Variants in CIITA observed in about 807,000 individuals in gnomAD.
CIITA encodes class II major histocompatibility complex transactivator.
A neutral mutation model predicts 115.1 loss-of-function variants in CIITA; 72 were observed. The ratio of observed to expected loss-of-function variants is 0.63; its 90% CI spans 0.52 to 0.76. The LOEUF is 0.76. Ranked by LOEUF, CIITA falls within the 30% of genes least tolerant of loss-of-function variation. The probability of loss-of-function intolerance (pLI) is 0.00; values close to 1 mark genes in which losing one functional copy is unlikely to be tolerated. For missense variants in CIITA, 1,617 were observed against 1,463.8 expected, an observed-to-expected ratio of 1.10 and a Z score of -1.71; for synonymous variants, 763 against 635.6, an observed-to-expected ratio of 1.20 and a Z score of -3.02.
chr16:10,889,631 TG>T (rs1174515013), intron 1 of CIITA, among the ~76,000 whole-genome samples: 2 of 152,120 alleles, frequency 1.3e-5, no homozygotes, highest in African/African-American at 2.4e-5. Flanking sequence ...GCGATTCTCC[TG>T]CCTCAGCCTC....
downstream of CIITA, chr16:10,937,961 T>G (rs1256541286): frequency 2.0e-5 from 3 of 152,282 alleles, no homozygotes; most frequent in African/African-American, 4.8e-5. The surrounding 1 kb of genome is among the most constrained non-coding windows in gnomAD (Gnocchi z 4.2). Context: ...TGGACCTCCC[T>G]GGCACTCAGG....
At chr16:10,890,723 G>C (rs979928425) in intron 1 of CIITA, among the ~76,000 whole-genome samples, 1 of 152,190 alleles carries the variant, frequency 6.6e-6, no homozygotes, top group African/African-American at 2.4e-5. Context: ...ACAAACGTAA[G>C]AAGCAAACTA....
At chr16:10,902,605 C>T (rs904240303) in intron 7 of CIITA, 53 bp from the exon 8 acceptor site, 69 of 1,611,218 alleles carry the variant, frequency 4.3e-5, no homozygotes, top group African/African-American at 1.1e-4. Context: ...AAAGCAGAAT[C>T]GCAAACACAG....
intron 15 of CIITA, chr16:10,916,835 T>C: frequency 2.6e-6 from 1 of 380,276 alleles, no homozygotes; most frequent in East Asian, 4.4e-5. Flanking sequence ...TACCCAACCA[T>C]TTATTAATTT....
In CIITA at chr16:10,921,658, G is replaced by A. The variant is rs184205017; in HGVS notation, c.3150-509G>A. ...GCAGTAAGAGGCATAGCTGGGATTT[G>A]AACTTGGGAAGTTGTTCTGACAGTT... On this transcript the variant is annotated intron_variant, in intron 16 of 19. Coordinates refer to ENST00000324288, the MANE Select transcript of CIITA (RefSeq NM_000246.4). Among the ~76,000 whole-genome samples, 29 of 152,358 alleles carry A rather than the reference G, an allele frequency of 1.9e-4. No individual in the cohort carries two copies. In the East Asian group the frequency reaches 5.2e-3, roughly 27 times the overall value.
intron 3 of CIITA, 105 bp from the exon 4 acceptor site, chr16:10,898,565 C>A: frequency 1.3e-6 from 1 of 750,122 alleles, no homozygotes; most frequent in Non-Finnish European, 2.2e-6. Context: ...TTTCTTGAGT[C>A]CCCACTGTGT....
intron 13 of CIITA, among the ~76,000 whole-genome samples, chr16:10,911,391 T>TCC (rs1226476563): frequency 9.8e-6 from 1 of 102,330 alleles, no homozygotes; most frequent in African/African-American, 3.4e-5. Flanking sequence ...TCTCTCTCTC[T>TCC]CTCCCTTCCT....
chr16:10,884,571 C>T (rs1397065587), intron 1 of CIITA, among the ~76,000 whole-genome samples: 1 of 152,192 alleles, frequency 6.6e-6, no homozygotes, highest in Admixed American at 6.5e-5. Context: ...CACTCCACCA[C>T]ACCCAGCTAA....
rs529930665 is a variant in CIITA at position 10,920,878 on chromosome 16, T to C, written c.3150-1289T>C. On this transcript the variant is annotated intron_variant, in intron 16 of 19. Coordinates refer to ENST00000324288, the MANE Select transcript of CIITA (RefSeq NM_000246.4). This position sits in a 1 kb window ranked among gnomAD's most constrained non-coding sequence, Gnocchi z 4.5. ...GTGTAAACCTGCTGCATTTATTTAT[T>C]TTTTTCTTTTTTTTTCGAGACAGAG... 6.6e-6 allele frequency among the ~76,000 whole-genome samples: 1 copy of C among 152,188 alleles called. No individual in the cohort carries two copies. Among genetic ancestry groups the C allele is most frequent in the Admixed American group, 6.5e-5 (1 of 15,272 alleles).
rs534394598 is a variant in CIITA at position 10,891,235 on chromosome 16, T to G, written c.53-4047T>G. Reference sequence around the variant, plus strand: ...GGTGATCATTTCATTGGGAACATTTTGACTGGGGGGAAAGAGCACCAGCCT... The same window carrying G: ...GGTGATCATTTCATTGGGAACATTTGGACTGGGGGGAAAGAGCACCAGCCT... On this transcript the variant is annotated intron_variant, in intron 1 of 19. Coordinates refer to ENST00000324288, the MANE Select transcript of CIITA (RefSeq NM_000246.4). Among the ~76,000 whole-genome samples the G allele has an allele frequency of 1.7e-3, 245 of 147,992 alleles. 3 individuals are homozygous for G. Among genetic ancestry groups the G allele is most frequent in the Non-Finnish European group, 4.0e-4 (27 of 66,936 alleles).
rs924707189 is a variant in CIITA at position 10,934,283 on chromosome 16, T to A, written c.*10428T>A. 3 of 152,240 alleles carry A rather than the reference T, an allele frequency of 2.0e-5. No individual in the cohort carries two copies. Among genetic ancestry groups the A allele is most frequent in the Admixed American group, 1.3e-4 (2 of 15,288 alleles). The allele number at this position is 152,240 out of a possible 1,614,324, so 9.4% of individuals were successfully genotyped here. A position where few individuals can be genotyped will look rare whatever the true frequency, so the allele number is the denominator to read the frequency against. On this transcript the variant is annotated 3_prime_UTR_variant, in exon 20 of 20. Coordinates refer to ENST00000324288, the MANE Select transcript of CIITA (RefSeq NM_000246.4). The surrounding 1 kb of genome is among the most constrained non-coding windows in gnomAD (Gnocchi z 4.2). The stretch of plus-strand genomic sequence containing the variant: ...TACTTTTTAAACTCCAATTTTTTAA[T>A]AAGATCATTTATGTCACCATATAAC...
chr16:10,899,583 C>T (rs1266216378), intron 5 of CIITA, among the ~76,000 whole-genome samples: 3 of 152,228 alleles, frequency 2.0e-5, no homozygotes, highest in Non-Finnish European at 4.4e-5. Context: ...TTGCTCGTGA[C>T]TGTTTCCCCA....
rs983666827 is a variant in CIITA at position 10,928,918 on chromosome 16, C to A, written c.*5063C>A. On this transcript the variant is annotated 3_prime_UTR_variant, in exon 20 of 20. Transcript: ENST00000324288. ...GGAGTTGCATACATTTTTTTTTAAT[C>A]CAAAGAAGTAAGCCTCCTAAGTATT... 3.3e-5 allele frequency: 5 copies of A among 152,278 alleles called. No individual in the cohort carries two copies. The highest frequency in any genetic ancestry group is 9.7e-5 in the African/African-American group (4 of 41,254). The allele number at this position is 152,278 out of a possible 1,614,324, so 9.4% of individuals were successfully genotyped here. A position where few individuals can be genotyped will look rare whatever the true frequency, so the allele number is the denominator to read the frequency against.
chr16:10,910,480 G>A (rs749172915), intron 13 of CIITA, among the ~76,000 whole-genome samples: 5 of 152,180 alleles, frequency 3.3e-5, no homozygotes, highest in African/African-American at 1.2e-4. Context: ...GGTTAACATG[G>A]TCATTCCCAT....
rs2036219152 is a variant in CIITA at position 10,879,653 on chromosome 16, C to A, written c.52+2271C>A. Among the ~76,000 whole-genome samples, 2 of 152,170 alleles carry A rather than the reference C, an allele frequency of 1.3e-5. No individual in the cohort carries two copies. Among genetic ancestry groups the A allele is most frequent in the Non-Finnish European group, 2.9e-5 (2 of 68,022 alleles). On this transcript the variant is annotated intron_variant, in intron 1 of 19. Transcript: ENST00000324288. The surrounding 1 kb of genome is among the most constrained non-coding windows in gnomAD (Gnocchi z 4.3). The stretch of plus-strand genomic sequence containing the variant: ...TGGGAGGGGTGGGGGAGGGATCCCC[C>A]CGGACTGAACCGATCTCTTGATCTC...
In CIITA at chr16:10,941,520, C is replaced by T; in HGVS notation, n.646C>T. On this transcript the variant is annotated non_coding_transcript_exon_variant, in exon 2 of 2. Coordinates refer to the CIITA transcript ENST00000573379. This position sits in a 1 kb window ranked among gnomAD's most constrained non-coding sequence, Gnocchi z 6.4. ...CCGGCCTGGGAATTCCTCCCTCTCC[C>T]TTGCTAGCGCCCCAACCCGCCCTCA... is the stretch of plus-strand genomic sequence containing the variant. 1.4e-6 allele frequency: 2 copies of T among 1,397,188 alleles called. No homozygotes were observed. The highest frequency in any genetic ancestry group is 1.9e-6 in the Non-Finnish European group (2 of 1,072,890). 86.5% of individuals were successfully genotyped at this position (1,397,188 alleles called of 1,614,324 possible). A position where few individuals can be genotyped will look rare whatever the true frequency, so the allele number is the denominator to read the frequency against.
At chr16:10,903,316 G>T (rs2038917145) in intron 8 of CIITA, among the ~76,000 whole-genome samples, 2 of 152,206 alleles carry the variant, frequency 1.3e-5, no homozygotes, top group Non-Finnish European at 2.9e-5. Flanking sequence ...TGTTTGGGCT[G>T]TCAGGGATGA....
chr16:10,866,721 G>A (rs546672587), intron 1 of CIITA: 1 of 375,740 alleles, frequency 2.7e-6, no homozygotes, highest in East Asian at 5.7e-5. Flanking sequence ...GTGAAAACTT[G>A]GAGCACTGTC....
At position 10,879,376 on chromosome 16, in the gene CIITA, C is replaced by CCTTGGCACCTT. The variant is rs2036180349; in HGVS notation, c.52+1994_52+1995insCTTGGCACCTT. 6.6e-6 allele frequency among the ~76,000 whole-genome samples: 1 copy of CCTTGGCACCTT among 152,010 alleles called. No individual in the cohort carries two copies. The highest frequency in any genetic ancestry group is 6.5e-5 in the Admixed American group (1 of 15,274). On this transcript the variant is annotated intron_variant, in intron 1 of 19. Transcript: ENST00000324288. The surrounding 1 kb of genome is among the most constrained non-coding windows in gnomAD (Gnocchi z 4.3). Reference sequence around the variant, plus strand: ...ACACACTCCCCCGGCCACCCTTGGCCGACTCCGCGCGCCCGGGATCCTGCA... The same window carrying CCTTGGCACCTT: ...ACACACTCCCCCGGCCACCCTTGGCCCTTGGCACCTTGACTCCGCGCGCCCGGGATCCTGCA...
Sources: gnomAD v4.1 joint callset for allele counts (sites outside exome capture counted in the v4.1 genomes callset) on GRCh38, gnomAD v4.1.1 for gene constraint, Gnocchi (gnomAD v3.1) non-coding constraint, MANE v1.5 for transcripts, NCBI Gene and HGNC (gene_info 2026-07-23, HGNC 2026-07-21) for gene names.